The following AHCY variants were observed in gnomAD, a reference collection of about 807,000 sequenced individuals.
The protein encoded by AHCY is adenosylhomocysteinase, also known as S-adenosyl-L-homocysteine hydrolase.
In AHCY, 24 loss-of-function variants were observed where a neutral mutation model predicts 45.4. That is an observed-to-expected ratio of 0.53 (90% CI 0.38 to 0.74). The LOEUF (loss-of-function observed/expected upper bound fraction) is 0.74. Ranked by LOEUF, AHCY falls within the 30% of genes least tolerant of loss-of-function variation. The probability of loss-of-function intolerance (pLI) is 0.00; values close to 1 mark genes in which losing one functional copy is unlikely to be tolerated. For missense variants in AHCY, 449 were observed against 594.1 expected, an observed-to-expected ratio of 0.76 and a Z score of 2.54; for synonymous variants, 245 against 235.1, an observed-to-expected ratio of 1.04 and a Z score of -0.39.
the AHCY span, chr20:34,241,612 CT>C: frequency 1.1e-6 from 1 of 884,146 alleles, no homozygotes. Flanking sequence ...TTTTGATTCA[CT>C]TTTGTGGGTC....
chr20:34,301,444 C>T (rs151246350), intron 1 of AHCY, among the ~76,000 whole-genome samples: 104 of 152,320 alleles, frequency 6.8e-4, no homozygotes, highest in African/African-American at 2.4e-3. Context: ...GCAAAAGTCA[C>T]AGGAACACCT....
the AHCY span, among the ~76,000 whole-genome samples, chr20:34,259,287 C>T: frequency 6.6e-6 from 1 of 151,352 alleles, no homozygotes; most frequent in South Asian, 2.1e-4. Context: ...CAGTGGCTGG[C>T]GGATCACTTG....
the AHCY span, among the ~76,000 whole-genome samples, chr20:34,239,664 A>G: frequency 2.6e-5 from 4 of 152,222 alleles, no homozygotes; most frequent in Non-Finnish European, 5.9e-5. Context: ...TGACTTGTCC[A>G]AGATCAGAGA....
chr20:34,305,926 A>G (rs764304966), upstream of AHCY, among the ~76,000 whole-genome samples: 3 of 152,012 alleles, frequency 2.0e-5, no homozygotes, highest in Non-Finnish European at 4.4e-5. Flanking sequence ...TACTAAAAAT[A>G]CAAAAATTAG....
At chr20:34,245,680 C>T in the AHCY span, among the ~76,000 whole-genome samples, 3 of 152,118 alleles carry the variant, frequency 2.0e-5, no homozygotes, top group South Asian at 2.1e-4. Context: ...TGAGCCACCA[C>T]GCCCAGCAAA....
At chr20:34,286,660 C>A (rs1227629121) in intron 8 of AHCY, among the ~76,000 whole-genome samples, 2 of 151,732 alleles carry the variant, frequency 1.3e-5, no homozygotes, top group Non-Finnish European at 2.9e-5. Flanking sequence ...ATGGAGAAAC[C>A]CTGTCTCTAC....
At chr20:34,284,736 T>C (rs913016104) in intron 9 of AHCY, among the ~76,000 whole-genome samples, 1 of 152,150 alleles carries the variant, frequency 6.6e-6, no homozygotes, top group Non-Finnish European at 1.5e-5. Flanking sequence ...GGTGGGAGGA[T>C]TGCTTGAACC....
chr20:34,240,273 C>G, the AHCY span, among the ~76,000 whole-genome samples: 21 of 152,142 alleles, frequency 1.4e-4, no homozygotes, highest in Non-Finnish European at 8.8e-5. Context: ...GGGGTTACAG[C>G]AGGCCATTTT....
At chr20:34,285,852 G>C (rs2036164817) in intron 8 of AHCY, among the ~76,000 whole-genome samples, 1 of 152,200 alleles carries the variant, frequency 6.6e-6, no homozygotes, top group African/African-American at 2.4e-5. Flanking sequence ...TGTAATCCCA[G>C]CACTTTGGAA....
At position 34,285,431 on chromosome 20, in the gene AHCY, T is replaced by C; in HGVS notation, c.1167+9A>G. On this transcript the variant is annotated intron_variant, in intron 9 of 9. Coordinates refer to ENST00000217426, the MANE Select transcript of AHCY (RefSeq NM_000687.4). ...TGACCCTTGGCTTGAGGTAGAAGAATAAACCCACCTTCTTGGGCAGGAAAT... is the reference window on the plus strand; with the variant it reads ...TGACCCTTGGCTTGAGGTAGAAGAACAAACCCACCTTCTTGGGCAGGAAAT... 3.1e-6 allele frequency: 5 copies of C among 1,613,798 alleles called. No homozygotes were observed. The South Asian group carries it at 5.5e-5, about 18-fold the overall frequency.
Position 34,281,117 on chromosome 20 carries a change from A to G in AHCY, c.1216T>C (p.Leu406=). Residue 406 remains leucine (L), a synonymous_variant, in exon 10 of 10, where the codon TTG becomes CTG. Transcript: ENST00000217426. ...EAHLGKLNVK[L]TKLTEKQAQY... is the part of the protein sequence containing the mutation. Reference sequence around the variant, plus strand: ...GCTTGCTTCTCAGTTAGCTTGGTCAACTTCACATTCAGCTTGCCCAGGTGG... The same window carrying G: ...GCTTGCTTCTCAGTTAGCTTGGTCAGCTTCACATTCAGCTTGCCCAGGTGG... The G allele has an allele frequency of 6.2e-7, 1 of 1,614,064 alleles. No homozygotes were observed. Among genetic ancestry groups the G allele is most frequent in the Non-Finnish European group, 8.5e-7 (1 of 1,180,038 alleles).
At chr20:34,302,803 G>T in intron 1 of AHCY, 1 of 1,012,608 alleles carries the variant, frequency 9.9e-7, no homozygotes, top group Non-Finnish European at 1.2e-6. Context: ...TACACCCTCC[G>T]GGGTGCCCTC....
the AHCY span, among the ~76,000 whole-genome samples, chr20:34,247,778 G>A: frequency 2.6e-5 from 4 of 151,932 alleles, no homozygotes; most frequent in Non-Finnish European, 5.9e-5. Flanking sequence ...TTAAATTTTT[G>A]TGGAGATGAG....
At position 34,285,535 on chromosome 20, in the gene AHCY, T is replaced by C. The variant is rs1568788660; in HGVS notation, c.1072A>G (p.Met358Val). The change falls in exon 9 of 10, where the codon ATG becomes GTG. Residue 358 changes from methionine to valine, a missense_variant. By Grantham distance (21) the Met-to-Val change is conservative. Coordinates refer to ENST00000217426, the MANE Select transcript of AHCY (RefSeq NM_000687.4). ...GCAMGHPSFV[M>V]SNSFTNQVMA... Reference sequence around the variant, plus strand: ...ACCTGGTTGGTGAAGGAGTTACTCATCACGAAGCTGGGGTGGCCCATGGCA... The same window carrying C: ...ACCTGGTTGGTGAAGGAGTTACTCACCACGAAGCTGGGGTGGCCCATGGCA... 1.2e-6 allele frequency: 2 copies of C among 1,614,122 alleles called. No individual in the cohort carries two copies. The highest frequency in any genetic ancestry group is 1.7e-6 in the Non-Finnish European group (2 of 1,180,002).
chr20:34,234,869 C>A, the AHCY span: 5 of 152,170 alleles, frequency 3.3e-5, no homozygotes, highest in Admixed American at 1.3e-4. Flanking sequence ...TCATGTTATA[C>A]CCACAGTATC....
At chr20:34,259,349 C>T in the AHCY span, among the ~76,000 whole-genome samples, 1 of 151,756 alleles carries the variant, frequency 6.6e-6, no homozygotes, top group East Asian at 1.9e-4. Flanking sequence ...CCCGTCTTTA[C>T]TAAAAATACA....
chr20:34,268,954 G>A, the AHCY span: 32 of 1,567,552 alleles, frequency 2.0e-5, no homozygotes, highest in Non-Finnish European at 2.3e-5. Flanking sequence ...AGGGGTGGGC[G>A]TGGCCGGCTC....
intron 1 of AHCY, chr20:34,302,558 G>C: frequency 1.1e-6 from 1 of 941,570 alleles, no homozygotes; most frequent in Non-Finnish European, 1.3e-6. Flanking sequence ...AATAAAGCTA[G>C]AAGGCAGTGC....
upstream of AHCY, among the ~76,000 whole-genome samples, chr20:34,303,914 C>G (rs1262866301): frequency 6.6e-6 from 1 of 152,168 alleles, no homozygotes; most frequent in African/African-American, 2.4e-5. Context: ...GAGGGAGGAT[C>G]TTTTGAGCCT....
Sources: gnomAD v4.1 joint callset for allele counts (sites outside exome capture counted in the v4.1 genomes callset) on GRCh38, gnomAD v4.1.1 for gene constraint, MANE v1.5 for transcripts, NCBI Gene and HGNC (gene_info 2026-07-23, HGNC 2026-07-21) for gene names.